The following SYNE2 variants were observed in gnomAD, a reference collection of about 807,000 sequenced individuals.
SYNE2 encodes the protein spectrin repeat containing nuclear envelope protein 2.
In SYNE2, 431 loss-of-function variants were observed where a neutral mutation model predicts 856.3. The ratio of observed to expected loss-of-function variants is 0.50; its 90% confidence interval spans 0.47 to 0.55. The LOEUF is 0.55. SYNE2 is among the 20% of genes least tolerant of loss of function. The pLI, the probability that SYNE2 is intolerant of heterozygous loss-of-function variation, is 0.00. For missense variants in SYNE2, 8,129 were observed against 8,023.2 expected, an observed-to-expected ratio of 1.01 and a Z score of -0.50; for synonymous variants, 2,923 against 2,872.3, an observed-to-expected ratio of 1.02 and a Z score of -0.56.
At chr14:63,986,065 A>G (rs565207178) in intron 18 of SYNE2, among the ~76,000 whole-genome samples, 1 of 152,290 alleles carries the variant, frequency 6.6e-6, no homozygotes, top group African/African-American at 2.4e-5. Context: ...AATATGTTTA[A>G]TTAGCACTCT....
chr14:64,020,525 C>T (rs2096928532), intron 35 of SYNE2, among the ~76,000 whole-genome samples: 2 of 152,072 alleles, frequency 1.3e-5, no homozygotes, highest in African/African-American at 4.8e-5. Flanking sequence ...ATATTTATTC[C>T]ATATTTAGCG....
intron 1 of SYNE2, among the ~76,000 whole-genome samples, chr14:63,894,367 C>T (rs2095208412): frequency 6.6e-6 from 1 of 152,002 alleles, no homozygotes; most frequent in East Asian, 1.9e-4. Context: ...TAGGCATGCT[C>T]CACCATGCCC....
chr14:63,904,199 C>T (rs1292971433), intron 1 of SYNE2, among the ~76,000 whole-genome samples: 1 of 152,064 alleles, frequency 6.6e-6, no homozygotes, highest in Non-Finnish European at 1.5e-5. Flanking sequence ...GTATGCACTA[C>T]CTTTTCTTTA....
intron 1 of SYNE2, among the ~76,000 whole-genome samples, chr14:63,816,006 T>C (rs1000668657): frequency 3.3e-5 from 5 of 149,992 alleles, no homozygotes; most frequent in Admixed American, 1.4e-4. Context: ...TGAAGTGCAG[T>C]GGTGCAATTT....
At chr14:64,220,893 G>C (rs979313886) in intron 111 of SYNE2, among the ~76,000 whole-genome samples, 1 of 152,118 alleles carries the variant, frequency 6.6e-6, no homozygotes, top group Non-Finnish European at 1.5e-5. Context: ...CGACCTGTAG[G>C]TTAGAGATGC....
In SYNE2 at chr14:64,017,767, A is replaced by G. The variant is rs1224993365; in HGVS notation, c.5049+11A>G. ...AGAGAAAGGCTGAAGGTAATTTAACAGATAAAATACATGCTTTTCTTGGTA... is the reference window on the plus strand; with the variant it reads ...AGAGAAAGGCTGAAGGTAATTTAACGGATAAAATACATGCTTTTCTTGGTA... On this transcript the variant is annotated intron_variant, in intron 34 of 115. Transcript: ENST00000555002. 6.2e-7 allele frequency: 1 copy of G among 1,612,756 alleles called. No individual in the cohort carries two copies. The highest frequency in any genetic ancestry group is 8.5e-7 in the Non-Finnish European group (1 of 1,179,018).
intron 102 of SYNE2, 77 bp from the exon 103 acceptor site, chr14:64,209,865 C>G: frequency 6.3e-7 from 1 of 1,594,124 alleles, no homozygotes; most frequent in Admixed American, 1.7e-5. Context: ...GGCAGCAGGT[C>G]GCTTGGGATG....
chr14:64,163,454 G>T lies in SYNE2; in HGVS notation c.16352G>T (p.Ser5451Ile). The T allele has an allele frequency of 1.2e-6, 2 of 1,614,138 alleles. No individual in the cohort carries two copies. Among genetic ancestry groups the T allele is most frequent in the Non-Finnish European group, 8.5e-7 (1 of 1,180,036 alleles). ...AAAGAAGCCTTTCTCCAAAATTCCA[G>T]TGTCCTGGATCGACTCCCACAACCC... Reference protein sequence around the residue: ...KTKEAFLQNSSVLDRLPQPAE... With the variant: ...KTKEAFLQNSIVLDRLPQPAE... The change falls in exon 89 of 116, where the codon AGT (serine) becomes ATT (isoleucine). Residue 5451 changes from serine (S) to isoleucine (I), a missense_variant. Ser to Ile is a moderately radical substitution (Grantham distance 142). This residue lies in a region of SYNE2 where 5,410 missense variants were observed against 5,284.8 expected (regional missense o/e 1.02). Coordinates refer to ENST00000555002, the MANE Select transcript of SYNE2 (RefSeq NM_182914.3).
chr14:63,873,459 G>C (rs1183776266), intron 1 of SYNE2: 2 of 151,878 alleles, frequency 1.3e-5, no homozygotes, highest in Non-Finnish European at 2.9e-5. Context: ...ATAATGGCAC[G>C]ATCTCGGCTC....
intron 1 of SYNE2, among the ~76,000 whole-genome samples, chr14:63,789,092 T>G (rs1887641156): frequency 6.6e-6 from 1 of 152,252 alleles, no homozygotes; most frequent in South Asian, 2.1e-4. Flanking sequence ...AACATTATGT[T>G]AATTTTCTTA....
chr14:64,157,113 A>G (rs985405128), intron 85 of SYNE2, among the ~76,000 whole-genome samples: 6 of 152,224 alleles, frequency 3.9e-5, no homozygotes, highest in African/African-American at 1.4e-4. Context: ...TTCACATACC[A>G]TAAAATTCAC....
At chr14:63,941,621 C>A in intron 3 of SYNE2, 74 bp from the exon 4 acceptor site, 1 of 1,292,094 alleles carries the variant, frequency 7.7e-7, no homozygotes, top group Non-Finnish European at 1.1e-6. Context: ...TCACAAAGCA[C>A]ATTTATGAGA....
At chr14:63,843,798 T>C (rs1047041626) in intron 1 of SYNE2, among the ~76,000 whole-genome samples, 3 of 152,242 alleles carry the variant, frequency 2.0e-5, no homozygotes, top group African/African-American at 7.2e-5. Context: ...GTTTTCTTAA[T>C]AGGAACCATC....
chr14:64,024,359 A>G lies in SYNE2; in HGVS notation c.5740A>G (p.Ile1914Val). Residue 1914 changes from isoleucine (I) to valine (V), a missense_variant, in exon 39 of 116, where the codon ATC becomes GTC. Coordinates refer to ENST00000555002, the MANE Select transcript of SYNE2 (RefSeq NM_182914.3). ...GCCCAAAGCACATGTGAAGGAGCTT[A>G]TCAGTTGGCTCGTGGGTCAGGAATT... ...HLPKAHVKEL[I>V]SWLVGQEFEL... 1.9e-6 allele frequency: 3 copies of G among 1,614,202 alleles called. No individual in the cohort carries two copies. Among genetic ancestry groups the G allele is most frequent in the Non-Finnish European group, 2.5e-6 (3 of 1,180,012 alleles).
chr14:63,824,386 A>G (rs747064470), intron 1 of SYNE2, among the ~76,000 whole-genome samples: 8 of 152,108 alleles, frequency 5.3e-5, no homozygotes, highest in South Asian at 2.1e-4. Context: ...CCTCTGTAAT[A>G]CCAGCACTTT....
intron 7 of SYNE2, among the ~76,000 whole-genome samples, chr14:63,952,346 GTTA>G (rs1459866181): frequency 6.6e-6 from 1 of 152,178 alleles, no homozygotes; most frequent in African/African-American, 2.4e-5. Context: ...CCATCCTTTA[GTTA>G]TTATTAGGTT....
At chr14:64,035,547 AC>A (rs1207861594) in intron 45 of SYNE2, among the ~76,000 whole-genome samples, 1 of 146,528 alleles carries the variant, frequency 6.8e-6, no homozygotes, top group African/African-American at 2.5e-5. Flanking sequence ...CCATCTATAA[AC>A]AACGTGCATT....
rs10145525 is a variant in SYNE2 at position 64,138,532 on chromosome 14, C to T, written c.14843+549C>T. Among the ~76,000 whole-genome samples the T allele has an allele frequency of 5.8e-3, 881 of 152,184 alleles. 9 individuals are homozygous for T. Among genetic ancestry groups the T allele is most frequent in the African/African-American group, 0.02 (845 of 41,508 alleles). ...TACAGGTGTAAGCCACTGCACCCAG[C>T]TAGTTTACACATTTCTATAGAAGCT... is the stretch of plus-strand genomic sequence containing the variant. On this transcript the variant is annotated intron_variant, in intron 79 of 115. Transcript: ENST00000555002.
chr14:64,135,194 T>G (rs1391278607), intron 78 of SYNE2, among the ~76,000 whole-genome samples: 1 of 152,192 alleles, frequency 6.6e-6, no homozygotes, highest in Non-Finnish European at 1.5e-5. Context: ...TAGTTTTAAC[T>G]TTAGGATATA....
Sources: allele counts gnomAD v4.1 joint callset (sites outside exome capture counted in the v4.1 genomes callset), GRCh38; gene constraint gnomAD v4.1.1; regional missense constraint gnomAD v4.1.1; transcripts MANE v1.5; gene names NCBI Gene and HGNC (gene_info 2026-07-23, HGNC 2026-07-21).